XPNPEP3: variants seen among roughly 807,000 people sequenced by gnomAD.
XPNPEP3 encodes X-prolyl aminopeptidase 3, also known as xaa-Pro aminopeptidase 3.
In XPNPEP3, 41 loss-of-function variants were observed where a neutral mutation model predicts 60.0. The observed-to-expected ratio is 0.68, with a 90% CI of 0.53 to 0.89. The LOEUF is 0.89. XPNPEP3 is among the 40% of genes least tolerant of loss of function. XPNPEP3 has a pLI of 0.00. For synonymous variants in XPNPEP3, 212 were observed against 223.2 expected, an observed-to-expected ratio of 0.95 and a Z score of 0.45; for missense variants, 598 against 638.9, an observed-to-expected ratio of 0.94 and a Z score of 0.69.
intron 4 of XPNPEP3, among the ~76,000 whole-genome samples, chr22:40,899,604 G>C (rs1029685268): frequency 3.3e-5 from 5 of 151,956 alleles, no homozygotes; most frequent in African/African-American, 9.7e-5. Flanking sequence ...GGTGGATCAC[G>C]AGGTCAAGAG....
At chr22:40,869,282 T>A (rs2057994001) in intron 2 of XPNPEP3, among the ~76,000 whole-genome samples, 167 bp downstream of exon 2, 1 of 152,220 alleles carries the variant, frequency 6.6e-6, no homozygotes. Context: ...GCTGAGGAGC[T>A]GAACTTTTTA....
intron 4 of XPNPEP3, among the ~76,000 whole-genome samples, chr22:40,893,804 C>T (rs192768271): frequency 5.9e-5 from 9 of 152,116 alleles, no homozygotes; most frequent in Admixed American, 4.6e-4. Flanking sequence ...TTAGTAGAGA[C>T]GAGGTTTCTC....
chr22:40,892,971 GTCA>G (rs2058093867), intron 4 of XPNPEP3, among the ~76,000 whole-genome samples: 1 of 151,660 alleles, frequency 6.6e-6, no homozygotes, highest in Admixed American at 6.6e-5. Flanking sequence ...ACAGCATTCT[GTCA>G]TCATATTCTG....
intron 3 of XPNPEP3, among the ~76,000 whole-genome samples, chr22:40,883,191 A>G (rs1409414587): frequency 6.6e-6 from 1 of 152,228 alleles, no homozygotes; most frequent in Non-Finnish European, 1.5e-5. Context: ...CTGTTCTCCA[A>G]GAACGATCCA....
chr22:40,874,897 G>T (rs1034639527), intron 2 of XPNPEP3, among the ~76,000 whole-genome samples: 1 of 152,138 alleles, frequency 6.6e-6, no homozygotes, highest in Non-Finnish European at 1.5e-5. Flanking sequence ...TGCCTCTGTA[G>T]TCTCATCCCC....
chr22:40,867,484 T>C (rs571418435), intron 1 of XPNPEP3, among the ~76,000 whole-genome samples: 1 of 152,002 alleles, frequency 6.6e-6, no homozygotes, highest in African/African-American at 2.4e-5. Flanking sequence ...TTTAGAAAAA[T>C]CATAGCTTCT....
chr22:40,909,496 A>G (rs1193037474), intron 6 of XPNPEP3, among the ~76,000 whole-genome samples: 1 of 152,200 alleles, frequency 6.6e-6, no homozygotes, highest in Non-Finnish European at 1.5e-5. Flanking sequence ...CAGGCATGGT[A>G]GCTCAGGCCT....
chr22:40,882,808 A>C (rs1024650465), intron 3 of XPNPEP3, among the ~76,000 whole-genome samples: 3 of 152,222 alleles, frequency 2.0e-5, no homozygotes, highest in Non-Finnish European at 4.4e-5. Flanking sequence ...GAATTGTGCA[A>C]CCATCACCAC....
At chr22:40,903,737 C>T (rs1483232970) in intron 4 of XPNPEP3, among the ~76,000 whole-genome samples, 1 of 152,024 alleles carries the variant, frequency 6.6e-6, no homozygotes, top group East Asian at 1.9e-4. Flanking sequence ...ATCTACCTGC[C>T]TCAGCTTCCC....
intron 2 of XPNPEP3, among the ~76,000 whole-genome samples, chr22:40,877,157 C>T (rs1204647502): frequency 6.6e-5 from 10 of 152,142 alleles, no homozygotes; most frequent in Non-Finnish European, 1.0e-4. Context: ...TTTAGTTTTG[C>T]TCAATATATG....
At chr22:40,915,640 C>T (rs568774007) in intron 7 of XPNPEP3, among the ~76,000 whole-genome samples, 12 of 151,834 alleles carry the variant, frequency 7.9e-5, no homozygotes, top group Admixed American at 1.3e-4. Context: ...ATAGCTTGGG[C>T]GGCAGAAAGC....
intron 2 of XPNPEP3, among the ~76,000 whole-genome samples, chr22:40,876,741 G>A (rs2058028898): frequency 6.6e-6 from 1 of 152,178 alleles, no homozygotes; most frequent in Non-Finnish European, 1.5e-5. Context: ...ACAAAACAGT[G>A]TATAATACCT....
chr22:40,857,294 C>A (rs2057906947), intron 1 of XPNPEP3, 49 bp downstream of exon 1: 4 of 1,607,414 alleles, frequency 2.5e-6, no homozygotes, highest in Non-Finnish European at 3.4e-6. Context: ...CCTGGAGGGA[C>A]CCAAGTTGGT....
intron 7 of XPNPEP3, among the ~76,000 whole-genome samples, chr22:40,915,092 C>G (rs577952865): frequency 7.1e-6 from 1 of 141,736 alleles, no homozygotes; most frequent in Non-Finnish European, 1.5e-5. Context: ...CGCTCTGGCA[C>G]CCAGGCTGGA....
chr22:40,921,795 A>G (rs1019944104), intron 7 of XPNPEP3, among the ~76,000 whole-genome samples: 9 of 152,140 alleles, frequency 5.9e-5, no homozygotes, highest in Non-Finnish European at 1.2e-4. Flanking sequence ...ACTCCTATCA[A>G]CAGTATGTGA....
At position 40,882,155 on chromosome 22, in the gene XPNPEP3, A is replaced by G. The variant is rs374325689; in HGVS notation, c.567A>G (p.Gln189=). Residue 189 remains glutamine, a synonymous_variant, in exon 3 of 10, where the codon CAA becomes CAG. Coordinates refer to ENST00000357137, the MANE Select transcript of XPNPEP3 (RefSeq NM_022098.4). ...VDEAYTLEEF[Q]HLLPKMKAET... ...AAGCCTATACGCTAGAAGAATTTCAACATCTTCTACCAAAAATGAAAGGTA... is the reference window on the plus strand; with the variant it reads ...AAGCCTATACGCTAGAAGAATTTCAGCATCTTCTACCAAAAATGAAAGGTA... 1.9e-6 allele frequency: 3 copies of G among 1,614,066 alleles called. No homozygotes were observed. The highest frequency in any genetic ancestry group is 2.7e-5 in the African/African-American group (2 of 74,902).
intron 7 of XPNPEP3, among the ~76,000 whole-genome samples, chr22:40,916,126 T>C (rs2058195151): frequency 1.3e-5 from 2 of 151,994 alleles, no homozygotes; most frequent in South Asian, 2.1e-4. Flanking sequence ...ACCCTGTCTC[T>C]ACTAAAAATA....
intron 4 of XPNPEP3, among the ~76,000 whole-genome samples, chr22:40,892,720 T>TA (rs1219078052): frequency 4.6e-5 from 7 of 152,182 alleles, no homozygotes; most frequent in African/African-American, 1.7e-4. Context: ...CCCCCAGGCT[T>TA]ACGTCATATG....
At chr22:40,920,814 C>T (rs921626098) in intron 7 of XPNPEP3, among the ~76,000 whole-genome samples, 5 of 151,854 alleles carry the variant, frequency 3.3e-5, no homozygotes, top group Admixed American at 6.6e-5. Context: ...TTTTTTGAGA[C>T]GGAGTTTCAC....
Sources: gnomAD v4.1 joint callset for allele counts (sites outside exome capture counted in the v4.1 genomes callset) on GRCh38, gnomAD v4.1.1 for gene constraint, MANE v1.5 for transcripts, NCBI Gene and HGNC (gene_info 2026-07-23, HGNC 2026-07-21) for gene names.